Variants in DYNC2LI1 observed in about 807,000 individuals in gnomAD.
DYNC2LI1 encodes the protein cytoplasmic dynein 2 light intermediate chain 1.
DYNC2LI1 carries 45 observed loss-of-function variants against 51.9 expected under a neutral mutation model. The observed-to-expected ratio is 0.87, with a 90% confidence interval of 0.68 to 1.11. The LOEUF is 1.11. Ranked by LOEUF, DYNC2LI1 falls within the 50% of genes most tolerant of loss-of-function variation. The probability of loss-of-function intolerance (pLI) is 0.00; values close to 1 mark genes in which losing one functional copy is unlikely to be tolerated. For missense variants in DYNC2LI1, 490 were observed against 417.4 expected (o/e 1.17, Z -1.51); for synonymous variants, 130 against 137.8 (o/e 0.94, Z 0.40).
At chr2:43,810,814 A>T (rs1160927187), downstream of DYNC2LI1, among the ~76,000 whole-genome samples, 1 of 152,184 alleles carries the variant, frequency 6.6e-6, no homozygotes, top group African/African-American at 2.4e-5. Context: ...AATCCCTTTA[A>T]ATTTACAGTG....
chr2:43,792,892 C>G, intron 5 of DYNC2LI1: 1 of 1,303,238 alleles, frequency 7.7e-7, no homozygotes, highest in Non-Finnish European at 1.0e-6. Flanking sequence ...GTTCAGTTAT[C>G]CGTTAATCCA....
chr2:43,812,691 C>G (rs1666544889), downstream of DYNC2LI1: 1 of 201,162 alleles, frequency 5.0e-6, no homozygotes, highest in Non-Finnish European at 1.0e-5. Flanking sequence ...CATCTAAACC[C>G]ACAACTCTCT....
downstream of DYNC2LI1, chr2:43,813,353 G>C: frequency 7.1e-7 from 1 of 1,408,106 alleles, no homozygotes; most frequent in Non-Finnish European, 1.0e-6. Context: ...GTTTATCTCA[G>C]GTAATTTAAT....
At chr2:43,825,732 G>A in the DYNC2LI1 span, among the ~76,000 whole-genome samples, 95 of 151,256 alleles carry the variant, frequency 6.3e-4, no homozygotes, top group African/African-American at 2.3e-3. Context: ...TCAGCTTCCC[G>A]AATAGCTGGG....
chr2:43,822,481 C>G, the DYNC2LI1 span: 34 of 875,630 alleles, frequency 3.9e-5, 2 homozygotes, highest in South Asian at 5.4e-5. Context: ...CCCCCAGGCC[C>G]CCCCCCATGC....
chr2:43,797,159 G>A (rs1420730686), intron 8 of DYNC2LI1, among the ~76,000 whole-genome samples: 2 of 152,140 alleles, frequency 1.3e-5, no homozygotes, highest in Admixed American at 6.5e-5. Context: ...TGTGTATTGG[G>A]GATGGGGGCT....
At chr2:43,827,516 C>T in the DYNC2LI1 span, among the ~76,000 whole-genome samples, 2 of 152,106 alleles carry the variant, frequency 1.3e-5, no homozygotes, top group African/African-American at 4.8e-5. Context: ...AATGACCAAA[C>T]CTGGCAGAGG....
At chr2:43,816,893 C>T in the DYNC2LI1 span, among the ~76,000 whole-genome samples, 1 of 152,188 alleles carries the variant, frequency 6.6e-6, no homozygotes, top group South Asian at 2.1e-4. Context: ...ATATTGTGAG[C>T]ACTTCTTCCC....
chr2:43,791,790 A>G (rs541726514), intron 5 of DYNC2LI1, among the ~76,000 whole-genome samples: 3 of 152,328 alleles, frequency 2.0e-5, no homozygotes, highest in Non-Finnish European at 4.4e-5. Context: ...TTATAAATGC[A>G]TTGAACATTT....
At chr2:43,810,397 ATC>A, downstream of DYNC2LI1, 1 of 985,428 alleles carries the variant, frequency 1.0e-6, no homozygotes, top group Non-Finnish European at 1.2e-6. Context: ...CTAAGGAGAT[ATC>A]CTATCAAGAA....
chr2:43,804,217 T>A (rs1666164931), intron 10 of DYNC2LI1, among the ~76,000 whole-genome samples: 1 of 152,230 alleles, frequency 6.6e-6, no homozygotes, highest in Non-Finnish European at 1.5e-5. Flanking sequence ...TGGCTATGCA[T>A]AGTAATTAAT....
the DYNC2LI1 span, chr2:43,819,936 A>C: frequency 1.2e-6 from 2 of 1,614,206 alleles, no homozygotes; most frequent in South Asian, 1.1e-5. Context: ...AGATCCAACA[A>C]GCACCCCCGC....
intron 10 of DYNC2LI1, among the ~76,000 whole-genome samples, chr2:43,802,546 T>C (rs887867198): frequency 2.0e-5 from 3 of 152,124 alleles, no homozygotes; most frequent in Non-Finnish European, 2.9e-5. Flanking sequence ...TGATTATAAT[T>C]AGCACCAACT....
chr2:43,815,902 C>G, the DYNC2LI1 span, among the ~76,000 whole-genome samples: 3 of 91,800 alleles, frequency 3.3e-5, no homozygotes, highest in Non-Finnish European at 6.1e-5. Flanking sequence ...AGAGTAAGAA[C>G]AGGAAAAGAA....
downstream of DYNC2LI1, among the ~76,000 whole-genome samples, chr2:43,813,730 T>TTTTTTTTTTTTTTG: frequency 7.2e-6 from 1 of 138,370 alleles, no homozygotes; most frequent in Admixed American, 7.2e-5. Context: ...TTTTTTTTTT[T>TTTTTTTTTTTTTTG]TTTTTGAGAC....
chr2:43,794,638 C>T lies in DYNC2LI1; in HGVS notation c.502C>T (p.His168Tyr). ...QKIWNNMPKDHPDHELIDPFP... is the reference protein window; with the variant it reads ...QKIWNNMPKDYPDHELIDPFP... ...GATCTGGAATAATATGCCGAAGGAT[C>T]ATCCTGTGAGTTGCTGTTTGGGATT... is the stretch of plus-strand genomic sequence containing the variant. The change falls in exon 6 of 13, where the codon CAT (histidine) becomes TAT (tyrosine). Residue 168 changes from histidine (H) to tyrosine (Y), a missense_variant. Transcript: ENST00000260605. 6.2e-7 allele frequency: 1 copy of T among 1,614,044 alleles called. No individual in the cohort carries two copies. The highest frequency in any genetic ancestry group is 1.7e-4 in the Middle Eastern group (1 of 6,058).
intron 10 of DYNC2LI1, among the ~76,000 whole-genome samples, chr2:43,802,214 C>T (rs1262789058): frequency 6.6e-6 from 1 of 152,054 alleles, no homozygotes; most frequent in East Asian, 1.9e-4. Context: ...AACTCATAGA[C>T]TCTATAGGCT....
chr2:43,825,951 G>A, the DYNC2LI1 span, among the ~76,000 whole-genome samples: 29,086 of 151,508 alleles, frequency 0.19, 4,192 homozygotes, highest in East Asian at 0.81. Flanking sequence ...AGGAGCTGTT[G>A]GCTCCAATTC....
chr2:43,775,654 C>T (rs1029884186), intron 1 of DYNC2LI1: 5 of 366,576 alleles, frequency 1.4e-5, no homozygotes, highest in Admixed American at 9.8e-5. Context: ...CATGTCACCA[C>T]ACCCAGCTAA....
Sources: gnomAD v4.1 joint callset for allele counts (sites outside exome capture counted in the v4.1 genomes callset) on GRCh38, gnomAD v4.1.1 for gene constraint, MANE v1.5 for transcripts, NCBI Gene and HGNC (gene_info 2026-07-23, HGNC 2026-07-21) for gene names.